AKAP8L: variants seen among roughly 807,000 people sequenced by gnomAD.
AKAP8L encodes the protein A-kinase anchoring protein 8 like, also known as A-kinase anchor protein 8-like.
AKAP8L carries 34 observed loss-of-function variants against 77.5 expected under a neutral mutation model. That is an observed-to-expected ratio of 0.44 (90% confidence interval 0.33 to 0.58). The LOEUF is 0.58. Among genes scored for constraint, AKAP8L ranks in the 20% least tolerant of loss-of-function variants. AKAP8L has a pLI of 0.02. For missense variants in AKAP8L, 806 were observed against 887.6 expected, an observed-to-expected ratio of 0.91 and a Z score of 1.17; for synonymous variants, 342 against 340.7, an observed-to-expected ratio of 1.00 and a Z score of -0.04.
At chr19:15,409,318 G>C (rs932815415) in intron 2 of AKAP8L, among the ~76,000 whole-genome samples, 2 of 152,212 alleles carry the variant, frequency 1.3e-5, no homozygotes, top group African/African-American at 4.8e-5. Context: ...TGCAATTAGG[G>C]ACTACATTTG....
intron 2 of AKAP8L, among the ~76,000 whole-genome samples, chr19:15,406,745 A>G (rs1968009451): frequency 6.6e-6 from 1 of 152,106 alleles, no homozygotes; most frequent in Non-Finnish European, 1.5e-5. Context: ...GATTATAGGC[A>G]TGAGCCACTG....
In AKAP8L at chr19:15,399,225, G is replaced by A; in HGVS notation, c.1157+77C>T. 3.0e-6 allele frequency: 4 copies of A among 1,351,004 alleles called. No individual in the cohort carries two copies. The highest frequency in any genetic ancestry group is 1.4e-5 in the African/African-American group (1 of 69,914). The allele number at this position is 1,351,004 out of a possible 1,614,324, so 83.7% of individuals were successfully genotyped here. A position where few individuals can be genotyped will look rare whatever the true frequency, so the allele number is the denominator to read the frequency against. Reference sequence around the variant, plus strand: ...AGGGAGGCCAGAGGGCGGCGAGCTGGCAGAGCTATGGCCCTGCTCTCCTGG... The same window carrying A: ...AGGGAGGCCAGAGGGCGGCGAGCTGACAGAGCTATGGCCCTGCTCTCCTGG... On this transcript the variant is annotated intron_variant, in intron 9 of 13. Transcript: ENST00000397410. This position sits in a 1 kb window ranked among gnomAD's most constrained non-coding sequence, Gnocchi z 6.1.
rs566997643 is a variant in AKAP8L, at chr19:15,400,820, C to G, written c.958G>C (p.Glu320Gln). 1.1e-5 allele frequency: 18 copies of G among 1,614,010 alleles called. No homozygotes were observed. The highest frequency in any genetic ancestry group is 1.5e-5 in the Non-Finnish European group (18 of 1,179,888). Residue 320 changes from glutamate (E) to glutamine (Q), a missense_variant, in exon 7 of 14, where the codon GAG (glutamate) becomes CAG (glutamine). By Grantham distance (29) the Glu-to-Gln change is conservative. Coordinates refer to ENST00000397410, the MANE Select transcript of AKAP8L (RefSeq NM_014371.4). ...GEATEGLEGTEAVEKGSRVDG... is the reference protein window; with the variant it reads ...GEATEGLEGTQAVEKGSRVDG... ...ACTCTGGAGCCCTTCTCCACAGCCT[C>G]GGTGCCTTCAAGGCCCTCTGTGGCT...
At chr19:15,400,017 G>A in intron 8 of AKAP8L, 4 of 547,856 alleles carry the variant, frequency 7.3e-6, no homozygotes, top group East Asian at 3.1e-5. Flanking sequence ...CGTGCCTGGG[G>A]TTCCCCACAC....
In AKAP8L at chr19:15,403,216, G is replaced by T; in HGVS notation, c.362+259C>A. On this transcript the variant is annotated intron_variant, in intron 4 of 13. Coordinates refer to ENST00000397410, the MANE Select transcript of AKAP8L (RefSeq NM_014371.4). The surrounding 1 kb of genome is among the most constrained non-coding windows in gnomAD (Gnocchi z 4.3). ...ACTCTGTTTTTGAGGGCACAGTGAA[G>T]TCTGCCCAGTCTGGGCTTGTTCCTC... 1.9e-6 allele frequency: 1 copy of T among 518,490 alleles called. No homozygotes were observed. The highest frequency in any genetic ancestry group is 2.0e-5 in the South Asian group (1 of 48,980). The allele number at this position is 518,490 out of a possible 1,614,324, so 32.1% of individuals were successfully genotyped here. A position where few individuals can be genotyped will look rare whatever the true frequency, so the allele number is the denominator to read the frequency against.
rs1257329680 is a variant in AKAP8L at position 15,401,304 on chromosome 19, A to G, written c.662T>C (p.Leu221Pro). ...CMSGASRLPS[L>P]FSQNIIPEYG... is the part of the protein sequence containing the mutation. Reference sequence around the variant, plus strand: ...CTCGGGGATGATGTTCTGGGAGAAGAGGGAGGGCAGCCGAGAGGCACCAGA... The same window carrying G: ...CTCGGGGATGATGTTCTGGGAGAAGGGGGAGGGCAGCCGAGAGGCACCAGA... Residue 221 changes from leucine (L) to proline (P), a missense_variant, in exon 5 of 14, where the codon CTC (leucine) becomes CCC (proline). Physicochemically the swap from Leu to Pro is moderately conservative, Grantham distance 98. This residue lies in a region of AKAP8L where 580 missense variants were observed against 694.1 expected (regional missense o/e 0.84). Coordinates refer to ENST00000397410, the MANE Select transcript of AKAP8L (RefSeq NM_014371.4). The surrounding 1 kb of genome is among the most constrained non-coding windows in gnomAD (Gnocchi z 6.2). 1.2e-6 allele frequency: 2 copies of G among 1,613,504 alleles called. No individual in the cohort carries two copies. The highest frequency in any genetic ancestry group is 1.7e-6 in the Non-Finnish European group (2 of 1,179,886).
At position 15,401,289 on chromosome 19, in the gene AKAP8L, A is replaced by C; in HGVS notation, c.677T>G (p.Ile226Ser). The change falls in exon 5 of 14, where the codon ATC becomes AGC. Residue 226 changes from isoleucine (I) to serine (S), a missense_variant. Coordinates refer to ENST00000397410, the MANE Select transcript of AKAP8L (RefSeq NM_014371.4). The surrounding 1 kb of genome is among the most constrained non-coding windows in gnomAD (Gnocchi z 6.2). ...SRLPSLFSQN[I>S]IPEYGMFQGM... ...CTGGAACATGCCGTACTCGGGGATG[A>C]TGTTCTGGGAGAAGAGGGAGGGCAG... 6.2e-7 allele frequency: 1 copy of C among 1,613,680 alleles called. No individual in the cohort carries two copies. Among genetic ancestry groups the C allele is most frequent in the Non-Finnish European group, 8.5e-7 (1 of 1,179,876 alleles).
At position 15,403,368 on chromosome 19, in the gene AKAP8L, G is replaced by T. The variant is rs1967935760; in HGVS notation, c.362+107C>A. On this transcript the variant is annotated intron_variant, in intron 4 of 13. Coordinates refer to ENST00000397410, the MANE Select transcript of AKAP8L (RefSeq NM_014371.4). This position sits in a 1 kb window ranked among gnomAD's most constrained non-coding sequence, Gnocchi z 4.3. ...CTGGGAGCCACAGCAGCACCAAGCA[G>T]CGGGGAGGAAGCAGACACAGAGGGG... 9.2e-7 allele frequency: 1 copy of T among 1,081,488 alleles called. No individual in the cohort carries two copies. The highest frequency in any genetic ancestry group is 1.4e-6 in the Non-Finnish European group (1 of 718,482). The allele number at this position is 1,081,488 out of a possible 1,614,324, so 67.0% of individuals were successfully genotyped here.
At chr19:15,390,964 T>G (rs1967647850) in intron 12 of AKAP8L, among the ~76,000 whole-genome samples, 1 of 152,200 alleles carries the variant, frequency 6.6e-6, no homozygotes, top group Non-Finnish European at 1.5e-5. Context: ...TCACACTTAA[T>G]GGTAAAGACT....
chr19:15,400,106 A>G (rs939462288), intron 8 of AKAP8L, 189 bp downstream of exon 8: 4 of 622,270 alleles, frequency 6.4e-6, no homozygotes, highest in Admixed American at 5.8e-5. Flanking sequence ...TCCGCCTGGG[A>G]AGGAGGAGGA....
Position 15,403,690 on chromosome 19 carries a change from A to G in AKAP8L, c.147T>C (p.Tyr49=), listed in dbSNP as rs775571458. ...TGGTGGTGTTATCCTGGCCATAGCC[A>G]TAGCCATAGCCATAGCCCTCGTAGC... ...NRGYEGYGYG[Y]GYGQDNTTNY... is the part of the protein sequence containing the mutation. The change falls in exon 4 of 14, where the codon TAT becomes TAC. Residue 49 remains tyrosine, a synonymous_variant. Coordinates refer to ENST00000397410, the MANE Select transcript of AKAP8L (RefSeq NM_014371.4). This position sits in a 1 kb window ranked among gnomAD's most constrained non-coding sequence, Gnocchi z 4.3. 4 of 1,592,918 alleles carry G rather than the reference A, an allele frequency of 2.5e-6. No individual in the cohort carries two copies. The highest frequency in any genetic ancestry group is 1.7e-6 in the Non-Finnish European group (2 of 1,169,538).
At chr19:15,380,640 A>C (rs922441580) in intron 12 of AKAP8L, 28 bp from the exon 13 acceptor site, 54 of 1,608,138 alleles carry the variant, frequency 3.4e-5, no homozygotes, top group Non-Finnish European at 4.3e-5. Flanking sequence ...GGAGCTGGAG[A>C]GGCTGCTCTG....
At position 15,401,047 on chromosome 19, in the gene AKAP8L, G is replaced by A. The variant is rs181518251; in HGVS notation, c.817-4C>T. ...GCTTTCTCTTCTTCTTCTTGGTCTG[G>A]GTCATAAGGGGGGGAAGCCGTGTCA... On this transcript the variant is annotated splice_region_variant and splice_polypyrimidine_tract_variant and intron_variant, in intron 5 of 13. Transcript: ENST00000397410. This position sits in a 1 kb window ranked among gnomAD's most constrained non-coding sequence, Gnocchi z 6.2. 5.8e-5 allele frequency: 94 copies of A among 1,612,218 alleles called. No individual in the cohort carries two copies. The Admixed American group carries it at 5.8e-4, about 10-fold the overall frequency.
intron 12 of AKAP8L, among the ~76,000 whole-genome samples, chr19:15,388,681 C>T (rs986405254): frequency 1.1e-4 from 16 of 151,990 alleles, no homozygotes; most frequent in East Asian, 9.7e-4. Flanking sequence ...TTTGGGAGGC[C>T]GAGGCGGGCA....
chr19:15,415,209 G>A (rs1455764225), intron 1 of AKAP8L, among the ~76,000 whole-genome samples: 2 of 152,298 alleles, frequency 1.3e-5, no homozygotes, highest in South Asian at 4.1e-4. Context: ...TGAGTTGGGA[G>A]GATCACTTGA....
chr19:15,414,354 G>A (rs2145152038), intron 1 of AKAP8L, among the ~76,000 whole-genome samples: 1 of 152,102 alleles, frequency 6.6e-6, no homozygotes, highest in East Asian at 1.9e-4. Context: ...ACCACGCCCG[G>A]CCTAAATTCT....
intron 7 of AKAP8L, 77 bp from the exon 8 acceptor site, chr19:15,400,435 A>G: frequency 7.1e-7 from 1 of 1,416,406 alleles, no homozygotes; most frequent in Non-Finnish European, 9.8e-7. Context: ...TATTAGAGCA[A>G]CGGTATATAG....
In AKAP8L at chr19:15,403,430, A is replaced by G; in HGVS notation, c.362+45T>C. 1.3e-6 allele frequency: 2 copies of G among 1,564,622 alleles called. No individual in the cohort carries two copies. Among genetic ancestry groups the G allele is most frequent in the Non-Finnish European group, 1.8e-6 (2 of 1,135,982 alleles). ...GAAAACGCAGTGGGCAGCAGGCAGGAGCCGCCCCTGCAGAGTCTCAACCCC... is the reference window on the plus strand; with the variant it reads ...GAAAACGCAGTGGGCAGCAGGCAGGGGCCGCCCCTGCAGAGTCTCAACCCC... On this transcript the variant is annotated intron_variant, in intron 4 of 13. Coordinates refer to ENST00000397410, the MANE Select transcript of AKAP8L (RefSeq NM_014371.4). This position sits in a 1 kb window ranked among gnomAD's most constrained non-coding sequence, Gnocchi z 4.3.
rs1162012646 is a variant in AKAP8L at position 15,401,659 on chromosome 19, G to A, written c.363-56C>T. ...AGCCCCTCAGGATCCCTCACCTCCA[G>A]GCAACTGCTCCTGCCCTCCCCAATC... On this transcript the variant is annotated intron_variant, in intron 4 of 13. Coordinates refer to ENST00000397410, the MANE Select transcript of AKAP8L (RefSeq NM_014371.4). The surrounding 1 kb of genome is among the most constrained non-coding windows in gnomAD (Gnocchi z 6.2). 2.1e-6 allele frequency: 3 copies of A among 1,398,134 alleles called. No homozygotes were observed. Among genetic ancestry groups the A allele is most frequent in the Admixed American group, 2.1e-5 (1 of 47,594 alleles). The allele number at this position is 1,398,134 out of a possible 1,614,324, so 86.6% of individuals were successfully genotyped here.
Sources: gnomAD v4.1 joint callset for allele counts (sites outside exome capture counted in the v4.1 genomes callset) on GRCh38, gnomAD v4.1.1 for gene constraint, gnomAD v4.1.1 regional missense constraint, Gnocchi (gnomAD v3.1) non-coding constraint, MANE v1.5 for transcripts, NCBI Gene and HGNC (gene_info 2026-07-23, HGNC 2026-07-21) for gene names.